Variants in PELP1 observed in about 807,000 individuals in gnomAD.
PELP1 encodes proline, glutamate and leucine rich protein 1.
PELP1 carries 32 observed loss-of-function variants against 95.5 expected under a neutral mutation model. The observed-to-expected ratio is 0.34, with a 90% CI of 0.25 to 0.45. The LOEUF (loss-of-function observed/expected upper bound fraction) is 0.45, where lower values mean the gene tolerates loss of function less well. PELP1 is among the 20% of genes least tolerant of loss of function. The pLI is 1.00. For missense variants in PELP1, 1,358 were observed against 1,444.8 expected, an observed-to-expected ratio of 0.94 and a Z score of 0.97; for synonymous variants, 668 against 600.1, an observed-to-expected ratio of 1.11 and a Z score of -1.65.
chr17:4,703,778 G>T (rs1913646901), intron 1 of PELP1, 85 bp downstream of exon 1: 3 of 1,180,582 alleles, frequency 2.5e-6, no homozygotes, highest in African/African-American at 1.5e-5. Flanking sequence ...CCTCCCTATC[G>T]CACTTGCACT....
At chr17:4,681,944 A>C (rs1283005090) in intron 5 of PELP1, among the ~76,000 whole-genome samples, 1 of 152,168 alleles carries the variant, frequency 6.6e-6, no homozygotes, top group East Asian at 1.9e-4. Flanking sequence ...CAGGAGGATC[A>C]CTTGAGGTCA....
intron 3 of PELP1, among the ~76,000 whole-genome samples, chr17:4,689,843 T>C (rs112746039): frequency 2.0e-5 from 3 of 152,124 alleles, no homozygotes; most frequent in East Asian, 3.9e-4. Context: ...CTAGCCAACA[T>C]GGTGAAACCC....
rs771991257 is a variant in PELP1, at chr17:4,682,937, C to T, written c.436G>A (p.Ala146Thr). The T allele has an allele frequency of 6.7e-7, 1 of 1,491,112 alleles. No individual in the cohort carries two copies. Among genetic ancestry groups the T allele is most frequent in the East Asian group, 2.4e-5 (1 of 41,094 alleles). The allele number at this position is 1,491,112 out of a possible 1,614,324, so 92.4% of individuals were successfully genotyped here. A position where few individuals can be genotyped will look rare whatever the true frequency, so the allele number is the denominator to read the frequency against. The change falls in exon 4 of 17, where the codon GCC becomes ACC. Residue 146 changes from alanine to threonine, a missense_variant. Ala to Thr is a moderately conservative substitution (Grantham distance 58). Coordinates refer to ENST00000572293, the MANE Select transcript of PELP1 (RefSeq NM_014389.3). ...QQVLQTQDPP[A>T]TMELAVAVLR... ...ACAGCCACGGCCAGCTCCATTGTGGCAGGCGGGTCCTGGGTCTAAAGAAAA... is the reference window on the plus strand; with the variant it reads ...ACAGCCACGGCCAGCTCCATTGTGGTAGGCGGGTCCTGGGTCTAAAGAAAA...
intron 5 of PELP1, among the ~76,000 whole-genome samples, chr17:4,681,597 C>A (rs188971494): frequency 6.6e-6 from 1 of 151,682 alleles, no homozygotes; most frequent in Non-Finnish European, 1.5e-5. Context: ...GTCAAGAGAT[C>A]GAGACCATCC....
chr17:4,704,114 T>A lies in PELP1; in HGVS notation c.-3A>T. 6.2e-7 allele frequency: 1 copy of A among 1,603,870 alleles called. No individual in the cohort carries two copies. The highest frequency in any genetic ancestry group is 2.2e-5 in the East Asian group (1 of 44,764). The stretch of plus-strand genomic sequence containing the variant: ...CCACTCAGAACGGCTGCCGCCATCT[T>A]CCCCCGGGTTCCAGTGGTGGCGTGG... On this transcript the variant is annotated 5_prime_UTR_variant, in exon 1 of 17. Coordinates refer to ENST00000572293, the MANE Select transcript of PELP1 (RefSeq NM_014389.3).
intron 5 of PELP1, 132 bp from the exon 6 acceptor site, chr17:4,676,944 T>A: frequency 1.5e-6 from 1 of 659,062 alleles, no homozygotes. Flanking sequence ...AGCAAAGCCC[T>A]CTATGGGGCA....
At chr17:4,693,246 C>G (rs4790682) in intron 1 of PELP1, among the ~76,000 whole-genome samples, 99,494 of 152,048 alleles carry the variant, frequency 0.65, 33,371 homozygotes, top group East Asian at 0.82. Flanking sequence ...TGGACGTTCA[C>G]AGCAGCATCA....
chr17:4,689,562 T>C (rs1183106376), intron 3 of PELP1, among the ~76,000 whole-genome samples: 1 of 152,110 alleles, frequency 6.6e-6, no homozygotes, highest in Non-Finnish European at 1.5e-5. Context: ...CCAACAAACA[T>C]GAAACATCAC....
intron 3 of PELP1, among the ~76,000 whole-genome samples, chr17:4,688,999 C>T (rs1266577613): frequency 1.3e-5 from 2 of 152,168 alleles, no homozygotes; most frequent in South Asian, 2.1e-4. Context: ...TAAAAATAGG[C>T]ACATAGACCA....
chr17:4,683,223 T>A (rs370539178), intron 3 of PELP1: 1 of 1,054 alleles, frequency 9.5e-4, no homozygotes, highest in Non-Finnish European at 0.021. Context: ...AGAGTTTTCT[T>A]TTTTTTTTTT....
rs747778800 is a variant in PELP1 at position 4,675,521 on chromosome 17, T to C, written c.1069-159A>G. On this transcript the variant is annotated intron_variant, in intron 9 of 16. Transcript: ENST00000572293. The surrounding 1 kb of genome is among the most constrained non-coding windows in gnomAD (Gnocchi z 4.3). The stretch of plus-strand genomic sequence containing the variant: ...AAAATCAAACCCCTATCCTCTAAAA[T>C]AGACCCTGGATGGAAGGTAAGAAGG... 8.4e-6 allele frequency: 6 copies of C among 714,056 alleles called. No homozygotes were observed. The highest frequency in any genetic ancestry group is 2.3e-4 in the Middle Eastern group (1 of 4,418). The allele number at this position is 714,056 out of a possible 1,614,324, so 44.2% of individuals were successfully genotyped here.
rs747144276 is a variant in PELP1, at chr17:4,675,920, G to A, written c.981-36C>T. ...TCAGAGCAGGGAGACCTTCAGAGCA[G>A]GCTCCCTGGCATAACTCCCACACCC... On this transcript the variant is annotated intron_variant, in intron 8 of 16. Transcript: ENST00000572293. The surrounding 1 kb of genome is among the most constrained non-coding windows in gnomAD (Gnocchi z 4.3). 1.9e-6 allele frequency: 3 copies of A among 1,581,516 alleles called. No homozygotes were observed. In the Admixed American group the frequency reaches 5.4e-5, roughly 29 times the overall value.
intron 12 of PELP1, 44 bp from the exon 13 acceptor site, chr17:4,674,713 A>C: frequency 1.3e-6 from 2 of 1,587,020 alleles, no homozygotes; most frequent in Non-Finnish European, 1.7e-6. Flanking sequence ...GGCAAACAAC[A>C]AGGCAAGACA....
chr17:4,684,258 C>A (rs1912826581), intron 3 of PELP1, among the ~76,000 whole-genome samples: 1 of 152,116 alleles, frequency 6.6e-6, no homozygotes, highest in Non-Finnish European at 1.5e-5. Context: ...GTCCAGTAAT[C>A]CTACCACATT....
Position 4,672,416 on chromosome 17 carries a change from G to T in PELP1, c.2575C>A (p.Gln859Lys). 1 of 1,568,014 alleles carries T rather than the reference G, an allele frequency of 6.4e-7. No individual in the cohort carries two copies. Among genetic ancestry groups the T allele is most frequent in the South Asian group, 1.2e-5 (1 of 85,256 alleles). The change falls in exon 16 of 17, where the codon CAG becomes AAG. Residue 859 changes from glutamine to lysine, a missense_variant. By Grantham distance (53) the Gln-to-Lys change is moderately conservative (BLOSUM62 1). Coordinates refer to ENST00000572293, the MANE Select transcript of PELP1 (RefSeq NM_014389.3). ...CCAGGAGTCCCTTCAGGGACCAACTGGGGTGGAGGGAGCGTCACAGGACCA... is the reference window on the plus strand; with the variant it reads ...CCAGGAGTCCCTTCAGGGACCAACTTGGGTGGAGGGAGCGTCACAGGACCA... ...VPGPVTLPPP[Q>K]LVPEGTPGGG...
In PELP1 at chr17:4,690,877, T is replaced by G; in HGVS notation, c.420+11A>C. On this transcript the variant is annotated intron_variant, in intron 3 of 16. Coordinates refer to ENST00000572293, the MANE Select transcript of PELP1 (RefSeq NM_014389.3). ...GAGGAGGAGGAAGTAGGGCAGCAGC[T>G]GAAACCTCACCTGTAACACCTGCTG... 1 of 1,584,730 alleles carries G rather than the reference T, an allele frequency of 6.3e-7. No homozygotes were observed. Among genetic ancestry groups the G allele is most frequent in the Non-Finnish European group, 8.7e-7 (1 of 1,153,434 alleles).
intron 5 of PELP1, among the ~76,000 whole-genome samples, chr17:4,677,230 G>T (rs1912518268): frequency 6.6e-6 from 1 of 152,094 alleles, no homozygotes; most frequent in Admixed American, 6.6e-5. Context: ...GCAGGACAAG[G>T]TCAAAAAAGA....
chr17:4,703,643 A>C (rs1350514696), intron 1 of PELP1, among the ~76,000 whole-genome samples: 1 of 152,210 alleles, frequency 6.6e-6, no homozygotes, highest in Non-Finnish European at 1.5e-5. Context: ...CCAATAGCCT[A>C]ACAACAGAAA....
rs1912181723 is a variant in PELP1 at position 4,671,167 on chromosome 17, G to C, written c.*272C>G. On this transcript the variant is annotated 3_prime_UTR_variant, in exon 17 of 17. Transcript: ENST00000572293. ...CATTCTTAACCCTACACACAATTCT[G>C]CACGTTTAGCATCCAGCCAGAATCC... The C allele has an allele frequency of 5.9e-6, 3 of 506,274 alleles. No homozygotes were observed. Among genetic ancestry groups the C allele is most frequent in the Non-Finnish European group, 1.1e-5 (3 of 281,586 alleles). The allele number at this position is 506,274 out of a possible 1,614,324, so 31.4% of individuals were successfully genotyped here. A position where few individuals can be genotyped will look rare whatever the true frequency, so the allele number is the denominator to read the frequency against.
Sources: gnomAD v4.1 joint callset for allele counts (sites outside exome capture counted in the v4.1 genomes callset) on GRCh38, gnomAD v4.1.1 for gene constraint, Gnocchi (gnomAD v3.1) non-coding constraint, MANE v1.5 for transcripts, NCBI Gene and HGNC (gene_info 2026-07-23, HGNC 2026-07-21) for gene names.